The following C4BPA variants were observed in gnomAD, a reference collection of about 807,000 sequenced individuals.
The protein encoded by C4BPA is C4b-binding protein alpha chain.
In C4BPA, 31 loss-of-function variants were observed where a neutral mutation model predicts 63.7. That is an observed-to-expected ratio of 0.49 (90% CI 0.37 to 0.66). C4BPA has a LOEUF of 0.66. Ranked by LOEUF, C4BPA falls within the 30% of genes least tolerant of loss-of-function variation. C4BPA has a pLI of 0.00. For synonymous variants in C4BPA, 259 were observed against 254.7 expected (o/e 1.02, Z -0.16); for missense variants, 572 against 723.3 (o/e 0.79, Z 2.40).
intron 4 of C4BPA, among the ~76,000 whole-genome samples, chr1:207,118,236 T>TATC (rs1553256060): frequency 5.3e-5 from 8 of 150,048 alleles, no homozygotes; most frequent in South Asian, 4.2e-4. Flanking sequence ...TCTATCTATC[T>TATC]ATCTATCTAT....
chr1:207,116,272 T>C (rs1684783679), intron 4 of C4BPA, among the ~76,000 whole-genome samples: 1 of 152,190 alleles, frequency 6.6e-6, no homozygotes, highest in East Asian at 1.9e-4. Flanking sequence ...TGTACATTTC[T>C]CTTATTGTCA....
At chr1:207,127,026 C>A in intron 7 of C4BPA, 131 bp downstream of exon 7, 6 of 655,480 alleles carry the variant, frequency 9.2e-6, no homozygotes, top group Non-Finnish European at 1.3e-5. Flanking sequence ...TCAATAATTT[C>A]CTTTATTTTT....
intron 6 of C4BPA, among the ~76,000 whole-genome samples, chr1:207,126,465 T>C (rs1183212404): frequency 6.7e-6 from 1 of 149,312 alleles, no homozygotes; most frequent in African/African-American, 2.4e-5. Flanking sequence ...TGTGGATAAC[T>C]TCTTCAACTT....
chr1:207,116,502 GTGTGTGTGTGTATA>G (rs55744191), intron 4 of C4BPA, among the ~76,000 whole-genome samples: 68,813 of 137,118 alleles, frequency 0.5, 18,038 homozygotes, highest in South Asian at 0.62. Context: ...CACAGTGTGT[GTGTGTGTGTGTATA>G]TGTGTGTGTG....
chr1:207,138,564 C>G (rs1420068478), intron 9 of C4BPA, among the ~76,000 whole-genome samples: 2 of 152,158 alleles, frequency 1.3e-5, no homozygotes, highest in African/African-American at 4.8e-5. Flanking sequence ...ACATCTTTTC[C>G]TACTACAACC....
Position 207,114,252 on chromosome 1 carries a change from G to A in C4BPA, c.295G>A (p.Asp99Asn), listed in dbSNP as rs750384904. 1 of 1,613,300 alleles carries A rather than the reference G, an allele frequency of 6.2e-7. No homozygotes were observed. The highest frequency in any genetic ancestry group is 8.5e-7 in the Non-Finnish European group (1 of 1,179,540). The change falls in exon 3 of 12, where the codon GAT (aspartate) becomes AAT (asparagine). Residue 99 changes from aspartate (D) to asparagine (N), a missense_variant. Physicochemically the swap from Asp to Asn is conservative, Grantham distance 23 (BLOSUM62 1). Around this residue, in one of 2 missense-constraint regions of C4BPA, gnomAD observed 465 missense variants for 629.4 expected, o/e 0.74. Transcript: ENST00000367070. ...AACTCAGACGCTTACCTGTAATTCT[G>A]ATGGCGAATGGGTGTATAACACCTT... ...HSTQTLTCNS[D>N]GEWVYNTFCI... is the part of the protein sequence containing the mutation.
At chr1:207,125,470 G>A (rs1033494453) in intron 6 of C4BPA, among the ~76,000 whole-genome samples, 6 of 152,256 alleles carry the variant, frequency 3.9e-5, no homozygotes, top group African/African-American at 7.2e-5. Context: ...CAATGTGATC[G>A]TTTTAACAGG....
At chr1:207,127,621 G>C (rs1685073887) in intron 7 of C4BPA, 1 of 152,206 alleles carries the variant, frequency 6.6e-6, no homozygotes, top group Non-Finnish European at 1.5e-5. Context: ...CTGGAGCAGT[G>C]GTGGAGGAGT....
chr1:207,136,133 C>T (rs1028996378), intron 9 of C4BPA, among the ~76,000 whole-genome samples: 4 of 152,174 alleles, frequency 2.6e-5, no homozygotes, highest in African/African-American at 7.2e-5. Flanking sequence ...TGGTATCATA[C>T]TAGGGACTTA....
intron 8 of C4BPA, among the ~76,000 whole-genome samples, chr1:207,133,681 T>C (rs1685214711): frequency 6.6e-6 from 1 of 152,148 alleles, no homozygotes; most frequent in Non-Finnish European, 1.5e-5. Flanking sequence ...GAGAATTGCT[T>C]GAGCCCAGGA....
intron 4 of C4BPA, among the ~76,000 whole-genome samples, chr1:207,116,163 C>T (rs1293624878): frequency 6.6e-6 from 1 of 152,232 alleles, no homozygotes; most frequent in East Asian, 1.9e-4. Context: ...TGTCTCTCCA[C>T]AAACTCTCCA....
At chr1:207,125,369 G>C (rs1685016457) in intron 6 of C4BPA, among the ~76,000 whole-genome samples, 1 of 152,194 alleles carries the variant, frequency 6.6e-6, no homozygotes. Context: ...CTGGCTGTGG[G>C]ACAACAACCT....
At chr1:207,118,075 A>G (rs1684840404) in intron 4 of C4BPA, among the ~76,000 whole-genome samples, 1 of 152,094 alleles carries the variant, frequency 6.6e-6, no homozygotes, top group Non-Finnish European at 1.5e-5. Context: ...GGTATTTTAA[A>G]TGGATTATTT....
chr1:207,140,359 C>T (rs1305568141), intron 9 of C4BPA, among the ~76,000 whole-genome samples: 1 of 152,236 alleles, frequency 6.6e-6, no homozygotes, highest in East Asian at 1.9e-4. Context: ...CTTATACCAT[C>T]TGCCATGGCA....
At chr1:207,143,763 A>G in intron 10 of C4BPA, 55 bp from the exon 11 acceptor site, 1 of 1,228,808 alleles carries the variant, frequency 8.1e-7, no homozygotes, top group Non-Finnish European at 1.2e-6. Context: ...CGAGACTGTT[A>G]TCATGTCCTT....
intron 1 of C4BPA, 107 bp from the exon 2 acceptor site, chr1:207,112,894 T>G (rs1684698748): frequency 9.2e-7 from 1 of 1,086,966 alleles, no homozygotes; most frequent in African/African-American, 1.6e-5. Flanking sequence ...TTGTTTCCAC[T>G]CCAGGCTGTC....
At chr1:207,138,278 C>T (rs563128864) in intron 9 of C4BPA, among the ~76,000 whole-genome samples, 1 of 152,270 alleles carries the variant, frequency 6.6e-6, no homozygotes, top group East Asian at 1.9e-4. Context: ...CTTGCCTGTG[C>T]CACCTTTTAC....
At chr1:207,108,684 C>A (rs1164873895) in intron 1 of C4BPA, among the ~76,000 whole-genome samples, 1 of 152,084 alleles carries the variant, frequency 6.6e-6, no homozygotes, top group Admixed American at 6.6e-5. Flanking sequence ...TTGCATGAAC[C>A]AGAGACAATT....
chr1:207,144,851 C>T lies in C4BPA; in HGVS notation c.*134C>T. The T allele has an allele frequency of 1.9e-6, 1 of 518,220 alleles. No homozygotes were observed. Among genetic ancestry groups the T allele is most frequent in the East Asian group, 3.5e-5 (1 of 28,810 alleles). The allele number at this position is 518,220 out of a possible 1,614,324, so 32.1% of individuals were successfully genotyped here. The stretch of plus-strand genomic sequence containing the variant: ...ATAAATATCTAGAAATGATAATTTG[C>T]TAAAGTTTAGTGCTTTGAGATTGTG... On this transcript the variant is annotated 3_prime_UTR_variant, in exon 12 of 12. Coordinates refer to ENST00000367070, the MANE Select transcript of C4BPA (RefSeq NM_000715.4).
Sources: allele counts gnomAD v4.1 joint callset (sites outside exome capture counted in the v4.1 genomes callset), GRCh38; gene constraint gnomAD v4.1.1; regional missense constraint gnomAD v4.1.1; transcripts MANE v1.5; gene names NCBI Gene and HGNC (gene_info 2026-07-23, HGNC 2026-07-21).